The following CXCR2 variants were observed in gnomAD, a reference collection of about 807,000 sequenced individuals.
CXCR2 encodes C-X-C chemokine receptor type 2.
Under a neutral mutation model 3.7 loss-of-function variants are expected in CXCR2, and 2 were observed. That is an observed-to-expected ratio of 0.55 (90% confidence interval 0.22 to 1.72). CXCR2 has a LOEUF of 1.72. CXCR2 is among the 40% of genes most tolerant of loss of function. The pLI, the probability that CXCR2 is intolerant of heterozygous loss-of-function variation, is 0.19. For missense variants in CXCR2, 351 were observed against 450.1 expected, an observed-to-expected ratio of 0.78 and a Z score of 1.99; for synonymous variants, 203 against 193.3, an observed-to-expected ratio of 1.05 and a Z score of -0.41.
rs1690743201 is a variant in CXCR2 at position 218,134,915 on chromosome 2, A to G, written c.114A>G (p.Pro38=). The part of the protein sequence containing the change: ...TLPPFLLDAA[P]CEPESLEINK... ...CCCCTTTTCTACTAGATGCCGCCCCATGTGAACCAGAATCCCTGGAAATCA... is the reference window on the plus strand; with the variant it reads ...CCCCTTTTCTACTAGATGCCGCCCCGTGTGAACCAGAATCCCTGGAAATCA... The change falls in exon 3 of 3, where the codon CCA becomes CCG. Residue 38 remains proline (P), a synonymous_variant. Coordinates refer to ENST00000318507, the MANE Select transcript of CXCR2 (RefSeq NM_001557.4). The G allele has an allele frequency of 6.2e-7, 1 of 1,613,934 alleles. No individual in the cohort carries two copies. Among genetic ancestry groups the G allele is most frequent in the Admixed American group, 1.7e-5 (1 of 59,984 alleles).
Position 218,134,799 on chromosome 2 carries a change from A to G in CXCR2, c.-3A>G. 1 of 1,610,576 alleles carries G rather than the reference A, an allele frequency of 6.2e-7. No homozygotes were observed. The highest frequency in any genetic ancestry group is 1.3e-5 in the African/African-American group (1 of 74,850). On this transcript the variant is annotated 5_prime_UTR_variant, in exon 3 of 3. Coordinates refer to ENST00000318507, the MANE Select transcript of CXCR2 (RefSeq NM_001557.4). ...TAGGTCAGGATTTAAGTTTACCTCA[A>G]AAATGGAAGATTTTAACATGGAGAG...
Position 218,136,170 on chromosome 2 carries a change from T to C in CXCR2, c.*286T>C, listed in dbSNP as rs1225343536. The C allele has an allele frequency of 2.0e-5, 8 of 391,384 alleles. No individual in the cohort carries two copies. The East Asian group carries it at 3.1e-4, about 15-fold the overall frequency. The allele number at this position is 391,384 out of a possible 1,614,324, so 24.2% of individuals were successfully genotyped here. A position where few individuals can be genotyped will look rare whatever the true frequency, so the allele number is the denominator to read the frequency against. ...TGTTCTAAGAAGTGAAAATCTACAC[T>C]CCAGTGAGACAGCTCTGCATACTCA... On this transcript the variant is annotated 3_prime_UTR_variant, in exon 3 of 3. Transcript: ENST00000318507.
At chr2:218,127,183 A>G (rs1211144456) in intron 1 of CXCR2, among the ~76,000 whole-genome samples, 1 of 152,184 alleles carries the variant, frequency 6.6e-6, no homozygotes, top group Non-Finnish European at 1.5e-5. Flanking sequence ...CTGGAATGCA[A>G]TGGCACAATC....
chr2:218,130,277 G>A (rs562548716), intron 2 of CXCR2, among the ~76,000 whole-genome samples: 58 of 152,134 alleles, frequency 3.8e-4, no homozygotes, highest in Non-Finnish European at 6.9e-4. Context: ...AAAATTGGCC[G>A]GGTGCAGTGG....
upstream of CXCR2, chr2:218,125,329 CT>C (rs1384976841): frequency 1.3e-5 from 2 of 152,250 alleles, no homozygotes; most frequent in Non-Finnish European, 2.9e-5. Context: ...CCGTTTTCTC[CT>C]TCCTGGGTAC....
At position 218,135,546 on chromosome 2, in the gene CXCR2, G is replaced by A. The variant is rs1486505828; in HGVS notation, c.745G>A (p.Ala249Thr). 2.5e-6 allele frequency: 4 copies of A among 1,614,160 alleles called. No individual in the cohort carries two copies. Among genetic ancestry groups the A allele is most frequent in the Admixed American group, 3.3e-5 (2 of 60,016 alleles). Reference protein sequence around the residue: ...FKAHMGQKHRAMRVIFAVVLI... With the variant: ...FKAHMGQKHRTMRVIFAVVLI... ...GGCCCACATGGGGCAGAAGCACCGG[G>A]CCATGCGGGTCATCTTTGCTGTCGT... is the stretch of plus-strand genomic sequence containing the variant. The change falls in exon 3 of 3, where the codon GCC becomes ACC. Residue 249 changes from alanine (A) to threonine (T), a missense_variant. Physicochemically the swap from Ala to Thr is moderately conservative, Grantham distance 58. Transcript: ENST00000318507. The surrounding 1 kb of genome is among the most constrained non-coding windows in gnomAD (Gnocchi z 4.0).
At chr2:218,125,931 G>A (rs1232847923), upstream of CXCR2, 1 of 152,486 alleles carries the variant, frequency 6.6e-6, no homozygotes, top group Admixed American at 6.5e-5. Context: ...CCGGAAAGAA[G>A]GAAGAAACTG....
At position 218,134,947 on chromosome 2, in the gene CXCR2, A is replaced by G. The variant is rs756891890; in HGVS notation, c.146A>G (p.Tyr49Cys). ...CEPESLEINK[Y>C]FVVIIYALVF... The stretch of plus-strand genomic sequence containing the variant: ...CCAGAATCCCTGGAAATCAACAAGT[A>G]TTTTGTGGTCATTATCTATGCCCTG... Residue 49 changes from tyrosine to cysteine, a missense_variant, in exon 3 of 3, where the codon TAT becomes TGT. Transcript: ENST00000318507. 36 of 1,613,916 alleles carry G rather than the reference A, an allele frequency of 2.2e-5. No homozygotes were observed. Among genetic ancestry groups the G allele is most frequent in the African/African-American group, 5.3e-5 (4 of 74,852 alleles).
intron 1 of CXCR2, among the ~76,000 whole-genome samples, chr2:218,127,797 T>C (rs983805508): frequency 3.3e-5 from 5 of 152,216 alleles, no homozygotes; most frequent in Admixed American, 6.5e-5. Flanking sequence ...GATTAATTGA[T>C]ACAAATTCTG....
intron 2 of CXCR2, among the ~76,000 whole-genome samples, chr2:218,134,091 C>A (rs1252986913): frequency 1.3e-5 from 2 of 152,204 alleles, no homozygotes; most frequent in African/African-American, 4.8e-5. Flanking sequence ...CTCCATGCCA[C>A]AATTGTTCAA....
At position 218,135,188 on chromosome 2, in the gene CXCR2, C is replaced by T. The variant is rs748602418; in HGVS notation, c.387C>T (p.Asn129=). The T allele has an allele frequency of 7.4e-6, 12 of 1,614,234 alleles. No individual in the cohort carries two copies. Among genetic ancestry groups the T allele is most frequent in the Non-Finnish European group, 1.0e-5 (12 of 1,180,056 alleles). The change falls in exon 3 of 3, where the codon AAC becomes AAT. Residue 129 remains asparagine, a synonymous_variant. Transcript: ENST00000318507. This position sits in a 1 kb window ranked among gnomAD's most constrained non-coding sequence, Gnocchi z 4.0. ...CKVVSLLKEV[N]FYSGILLLAC... Reference sequence around the variant, plus strand: ...TGGTCTCACTCCTGAAGGAAGTCAACTTCTATAGTGGCATCCTGCTACTGG... The same window carrying T: ...TGGTCTCACTCCTGAAGGAAGTCAATTTCTATAGTGGCATCCTGCTACTGG...
chr2:218,134,714 T>C (rs1289913643), intron 2 of CXCR2, 63 bp from the exon 3 acceptor site: 3 of 1,452,542 alleles, frequency 2.1e-6, no homozygotes, highest in Non-Finnish European at 2.8e-6. Context: ...TCCCAGTTTC[T>C]TGAGTGGATG....
In CXCR2 at chr2:218,135,074, C is replaced by A; in HGVS notation, c.273C>A (p.Ala91=). The change falls in exon 3 of 3, where the codon GCC becomes GCA. Residue 91 remains alanine (A), a synonymous_variant. Coordinates refer to ENST00000318507, the MANE Select transcript of CXCR2 (RefSeq NM_001557.4). The surrounding 1 kb of genome is among the most constrained non-coding windows in gnomAD (Gnocchi z 4.0). The part of the protein sequence containing the change: ...SVTDVYLLNL[A]LADLLFALTL... ...CTGATGTCTACCTGCTGAACCTAGCCTTGGCCGACCTACTCTTTGCCCTGA... is the reference window on the plus strand; with the variant it reads ...CTGATGTCTACCTGCTGAACCTAGCATTGGCCGACCTACTCTTTGCCCTGA... 1 of 1,614,220 alleles carries A rather than the reference C, an allele frequency of 6.2e-7. No homozygotes were observed. The highest frequency in any genetic ancestry group is 1.1e-5 in the South Asian group (1 of 91,088).
chr2:218,130,436 G>A (rs1001387154), intron 2 of CXCR2, among the ~76,000 whole-genome samples: 4 of 152,070 alleles, frequency 2.6e-5, no homozygotes, highest in Non-Finnish European at 4.4e-5. Context: ...AAAAAAGAAA[G>A]AAAAAGAGAA....
chr2:218,131,403 C>T (rs17844690), intron 2 of CXCR2, among the ~76,000 whole-genome samples: 3,851 of 152,214 alleles, frequency 0.025, 167 homozygotes, highest in African/African-American at 0.087. Flanking sequence ...AGCCTTCTGG[C>T]CAGGCAGGGC....
chr2:218,134,349 A>C (rs1315269725), intron 2 of CXCR2, among the ~76,000 whole-genome samples: 1 of 152,180 alleles, frequency 6.6e-6, no homozygotes, highest in Non-Finnish European at 1.5e-5. Context: ...CCTGAGCAAC[A>C]TAACAAGTCC....
chr2:218,133,606 G>T (rs1690704793), intron 2 of CXCR2, among the ~76,000 whole-genome samples: 1 of 152,130 alleles, frequency 6.6e-6, no homozygotes, highest in African/African-American at 2.4e-5. Context: ...TAATATTTTT[G>T]AATAACTGCA....
intron 2 of CXCR2, 98 bp from the exon 3 acceptor site, chr2:218,134,679 A>T (rs1574541946): frequency 8.7e-7 from 1 of 1,145,756 alleles, no homozygotes; most frequent in East Asian, 2.4e-5. Context: ...ACATTGTAAT[A>T]CTCAAGCCAA....
Position 218,136,437 on chromosome 2 carries a change from A to G in CXCR2, c.*553A>G, listed in dbSNP as rs1302656949. ...CGACAGTGAGACTCTGTCTCAGTCC[A>G]TGAAGATGTAGAGGAGAAACTGGAA... On this transcript the variant is annotated 3_prime_UTR_variant, in exon 3 of 3. Coordinates refer to ENST00000318507, the MANE Select transcript of CXCR2 (RefSeq NM_001557.4). The G allele has an allele frequency of 5.9e-6, 1 of 168,394 alleles. No individual in the cohort carries two copies. Among genetic ancestry groups the G allele is most frequent in the East Asian group, 1.9e-4 (1 of 5,214 alleles). 10.4% of individuals were successfully genotyped at this position (168,394 alleles called of 1,614,324 possible). A position where few individuals can be genotyped will look rare whatever the true frequency, so the allele number is the denominator to read the frequency against.
Sources: gnomAD v4.1 joint callset for allele counts (sites outside exome capture counted in the v4.1 genomes callset) on GRCh38, gnomAD v4.1.1 for gene constraint, Gnocchi (gnomAD v3.1) non-coding constraint, MANE v1.5 for transcripts, NCBI Gene and HGNC (gene_info 2026-07-23, HGNC 2026-07-21) for gene names.